The following SEMA3E variants were observed in gnomAD, a reference collection of about 807,000 sequenced individuals.
SEMA3E encodes semaphorin-3E.
SEMA3E carries 49 observed loss-of-function variants against 93.6 expected under a neutral mutation model. That is an observed-to-expected ratio of 0.52 (90% CI 0.42 to 0.66). The LOEUF is 0.66. Ranked by LOEUF, SEMA3E falls within the 30% of genes least tolerant of loss-of-function variation. The pLI, the probability that SEMA3E is intolerant of heterozygous loss-of-function variation, is 0.00. For missense variants in SEMA3E, 906 were observed against 964.8 expected (o/e 0.94, Z 0.81); for synonymous variants, 363 against 330.7 (o/e 1.10, Z -1.06).
chr7:83,386,241 G>A (rs1787876802), intron 15 of SEMA3E, among the ~76,000 whole-genome samples: 1 of 151,966 alleles, frequency 6.6e-6, no homozygotes. Context: ...AGTCAGTCTG[G>A]GGTCCAACAA....
chr7:83,442,612 C>T (rs1437747192), intron 4 of SEMA3E, among the ~76,000 whole-genome samples: 1 of 152,080 alleles, frequency 6.6e-6, no homozygotes. Flanking sequence ...CTTTTTTCTA[C>T]GTTTGCTAAA....
intron 4 of SEMA3E, among the ~76,000 whole-genome samples, chr7:83,425,242 T>C (rs1788745947): frequency 6.6e-6 from 1 of 152,118 alleles, no homozygotes; most frequent in Non-Finnish European, 1.5e-5. Context: ...ATGTTTTCTG[T>C]ATGCCACAAA....
At chr7:83,407,753 G>T (rs1202798894) in intron 6 of SEMA3E, among the ~76,000 whole-genome samples, 1 of 152,120 alleles carries the variant, frequency 6.6e-6, no homozygotes, top group Non-Finnish European at 1.5e-5. Flanking sequence ...TAGTCCAAGA[G>T]ATTTGAATAA....
rs565031922 is a variant in SEMA3E at position 83,411,633 on chromosome 7, C to T, written c.551-3146G>A. 7.2e-5 allele frequency among the ~76,000 whole-genome samples: 11 copies of T among 151,904 alleles called. No homozygotes were observed. In the South Asian group the frequency reaches 2.3e-3, roughly 32 times the overall value. The stretch of plus-strand genomic sequence containing the variant: ...AATAGTAATTAAGTAAGCAAAAATA[C>T]TGGGCATTATTAAAATTTTTAATAC... On this transcript the variant is annotated intron_variant, in intron 5 of 16. Transcript: ENST00000643230.
At chr7:83,458,681 G>T (rs1271579743) in intron 4 of SEMA3E, among the ~76,000 whole-genome samples, 2 of 151,816 alleles carry the variant, frequency 1.3e-5, no homozygotes, top group Admixed American at 6.6e-5. Context: ...ATCCAACGGG[G>T]TGAGCTTAGT....
intron 4 of SEMA3E, among the ~76,000 whole-genome samples, chr7:83,434,541 A>C (rs1220818814): frequency 6.6e-6 from 1 of 152,088 alleles, no homozygotes; most frequent in Non-Finnish European, 1.5e-5. Flanking sequence ...AATAACAAAC[A>C]TGCTTCTTGC....
chr7:83,611,261 T>A (rs1052369066), intron 1 of SEMA3E, among the ~76,000 whole-genome samples: 16 of 144,214 alleles, frequency 1.1e-4, no homozygotes, highest in African/African-American at 3.5e-4. Context: ...TTATATATAT[T>A]ATATATAAAT....
intron 2 of SEMA3E, among the ~76,000 whole-genome samples, chr7:83,481,644 A>G (rs939060161): frequency 1.3e-5 from 2 of 152,314 alleles, no homozygotes; most frequent in Non-Finnish European, 2.9e-5. Context: ...GTGAGGGTTT[A>G]GGGTCTTTAA....
intron 4 of SEMA3E, among the ~76,000 whole-genome samples, chr7:83,437,607 A>G (rs1789031062): frequency 6.6e-6 from 1 of 152,148 alleles, no homozygotes. Flanking sequence ...AGGAAACTCA[A>G]ATGACTCTTA....
chr7:83,604,549 TACAC>T (rs1008362948), intron 1 of SEMA3E, among the ~76,000 whole-genome samples: 25 of 150,664 alleles, frequency 1.7e-4, no homozygotes, highest in Admixed American at 7.3e-4. Flanking sequence ...TATATGTACA[TACAC>T]ATACATACAA....
chr7:83,443,263 G>T (rs988763634), intron 4 of SEMA3E, among the ~76,000 whole-genome samples: 34 of 152,144 alleles, frequency 2.2e-4, no homozygotes, highest in African/African-American at 8.2e-4. Context: ...GACCCCAAGG[G>T]TTGGATTAGA....
At chr7:83,589,603 A>G (rs565115975) in intron 1 of SEMA3E, among the ~76,000 whole-genome samples, 18 of 152,300 alleles carry the variant, frequency 1.2e-4, no homozygotes, top group African/African-American at 4.3e-4. Flanking sequence ...CATTAACAAT[A>G]AATAAATAAG....
At chr7:83,438,035 A>C (rs2115772378) in intron 4 of SEMA3E, among the ~76,000 whole-genome samples, 1 of 152,318 alleles carries the variant, frequency 6.6e-6, no homozygotes, top group East Asian at 1.9e-4. Context: ...AGAAAATGTC[A>C]TATTATAATT....
intron 1 of SEMA3E, among the ~76,000 whole-genome samples, chr7:83,565,236 T>A (rs1792119569): frequency 6.6e-6 from 1 of 152,156 alleles, no homozygotes; most frequent in South Asian, 2.1e-4. Flanking sequence ...GAGATCATGT[T>A]CTTTGCAGGG....
chr7:83,647,510 G>T lies in SEMA3E; in HGVS notation c.115+918C>A, dbSNP rs530253775. On this transcript the variant is annotated intron_variant, in intron 1 of 16. Coordinates refer to ENST00000643230, the MANE Select transcript of SEMA3E (RefSeq NM_012431.3). ...TACTTCTTTGCTGACAATTTATTCC[G>T]AATTTATATTAAGTCAGCAAAGTCA... Among the ~76,000 whole-genome samples, 7 of 152,166 alleles carry T rather than the reference G, an allele frequency of 4.6e-5. No homozygotes were observed. In the South Asian group the frequency reaches 1.5e-3, roughly 32 times the overall value.
At chr7:83,501,420 T>C (rs1177696522) in intron 1 of SEMA3E, among the ~76,000 whole-genome samples, 1 of 152,180 alleles carries the variant, frequency 6.6e-6, no homozygotes, top group Non-Finnish European at 1.5e-5. Context: ...TTAACTGAAG[T>C]CATGCTAAGA....
At chr7:83,533,120 A>AAATTT (rs1791338806) in intron 1 of SEMA3E, among the ~76,000 whole-genome samples, 1 of 151,926 alleles carries the variant, frequency 6.6e-6, no homozygotes, top group Admixed American at 6.6e-5. Context: ...CTTCTCCTCC[A>AAATTT]CCTGTACAAC....
intron 14 of SEMA3E, among the ~76,000 whole-genome samples, chr7:83,390,074 T>C (rs1238940157): frequency 2.1e-5 from 3 of 140,830 alleles, no homozygotes; most frequent in Admixed American, 7.0e-5. Context: ...TATATGCGCG[T>C]ATACGTGTGC....
chr7:83,624,965 C>T (rs1020669985), intron 1 of SEMA3E, among the ~76,000 whole-genome samples: 5 of 152,134 alleles, frequency 3.3e-5, no homozygotes, highest in African/African-American at 9.7e-5. Context: ...TTCCCAACAC[C>T]ATTTATTAAA....
Sources: allele counts gnomAD v4.1 joint callset (sites outside exome capture counted in the v4.1 genomes callset), GRCh38; gene constraint gnomAD v4.1.1; transcripts MANE v1.5; gene names NCBI Gene and HGNC (gene_info 2026-07-23, HGNC 2026-07-21).